Variants in SYTL2 observed in about 807,000 individuals in gnomAD.
The protein encoded by SYTL2 is synaptotagmin-like protein 2.
Under a neutral mutation model 198.7 loss-of-function variants are expected in SYTL2, and 165 were observed. The ratio of observed to expected loss-of-function variants is 0.83; its 90% CI spans 0.73 to 0.94. SYTL2 has a LOEUF of 0.94. SYTL2 is among the 40% of genes least tolerant of loss of function. SYTL2 has a pLI of 0.00. For missense variants in SYTL2, 2,835 were observed against 2,582.8 expected (o/e 1.10, Z -2.12); for synonymous variants, 966 against 917.7 (o/e 1.05, Z -0.95).
chr11:85,728,019 T>C (rs774888826), intron 7 of SYTL2, 52 bp from the exon 8 acceptor site: 81 of 1,447,488 alleles, frequency 5.6e-5, no homozygotes, highest in Non-Finnish European at 4.7e-5. Context: ...CTTAAAGAAC[T>C]GTTAATCATT....
At chr11:85,788,813 G>A (rs1448822185) in intron 1 of SYTL2, among the ~76,000 whole-genome samples, 5 of 151,562 alleles carry the variant, frequency 3.3e-5, no homozygotes, top group African/African-American at 1.2e-4. Flanking sequence ...AATCATCCAT[G>A]ACTGAGACAC....
chr11:85,738,020 T>C (rs2090492561), intron 4 of SYTL2, among the ~76,000 whole-genome samples: 1 of 152,224 alleles, frequency 6.6e-6, no homozygotes, highest in Non-Finnish European at 1.5e-5. Flanking sequence ...TGCTATTGGC[T>C]GAAGCCTTCG....
the SYTL2 span, among the ~76,000 whole-genome samples, chr11:85,844,147 ACT>A: frequency 6.6e-6 from 1 of 151,986 alleles, no homozygotes; most frequent in African/African-American, 2.4e-5. Context: ...CCTGTTGGTG[ACT>A]CTATCGTGTA....
At chr11:85,739,185 C>T (rs946770807) in intron 4 of SYTL2, among the ~76,000 whole-genome samples, 1 of 151,036 alleles carries the variant, frequency 6.6e-6, no homozygotes, top group Admixed American at 6.6e-5. Flanking sequence ...TGGTGAATGG[C>T]TAAATAAACG....
At chr11:85,720,827 G>T (rs989079841) in intron 9 of SYTL2, 31 bp downstream of exon 9, 3 of 1,476,214 alleles carry the variant, frequency 2.0e-6, no homozygotes, top group Admixed American at 1.7e-5. Context: ...CTTAGATGGG[G>T]CATGAACAGT....
the SYTL2 span, among the ~76,000 whole-genome samples, chr11:85,843,144 C>T: frequency 0.019 from 2,890 of 152,172 alleles, 99 homozygotes; most frequent in African/African-American, 0.065. Flanking sequence ...GAGGCCGAGG[C>T]GGGCAGATCA....
chr11:85,847,344 C>G, the SYTL2 span, among the ~76,000 whole-genome samples: 1 of 152,076 alleles, frequency 6.6e-6, no homozygotes, highest in Non-Finnish European at 1.5e-5. Flanking sequence ...CTTTTGAGAC[C>G]CATCCAGGTT....
At chr11:85,787,343 T>C (rs1053482462) in intron 1 of SYTL2, among the ~76,000 whole-genome samples, 7 of 152,216 alleles carry the variant, frequency 4.6e-5, no homozygotes, top group Non-Finnish European at 8.8e-5. Flanking sequence ...CACCCTTCCA[T>C]AGATACTTCC....
the SYTL2 span, among the ~76,000 whole-genome samples, chr11:85,850,985 A>G: frequency 5.9e-5 from 8 of 135,260 alleles, no homozygotes; most frequent in East Asian, 2.2e-4. Flanking sequence ...ATGAGATCAC[A>G]TGGACACAGG....
At chr11:85,776,744 T>C (rs1379451442) in intron 1 of SYTL2, among the ~76,000 whole-genome samples, 3 of 152,256 alleles carry the variant, frequency 2.0e-5, no homozygotes, top group African/African-American at 7.2e-5. Flanking sequence ...GAATGACTTA[T>C]AATCCTTTGG....
the SYTL2 span, among the ~76,000 whole-genome samples, chr11:85,817,221 C>T: frequency 1.3e-5 from 2 of 152,188 alleles, no homozygotes; most frequent in East Asian, 1.9e-4. Context: ...AGACTAAATT[C>T]GTGTATACCC....
At chr11:85,786,352 CAT>C (rs774578337) in intron 1 of SYTL2, among the ~76,000 whole-genome samples, 78 of 152,176 alleles carry the variant, frequency 5.1e-4, no homozygotes, top group Middle Eastern at 3.4e-3. Context: ...ATGGTTGACA[CAT>C]GTGATAAAAT....
intron 7 of SYTL2, among the ~76,000 whole-genome samples, chr11:85,732,618 T>G (rs903236240): frequency 2.6e-4 from 40 of 152,248 alleles, no homozygotes; most frequent in African/African-American, 3.6e-4. Flanking sequence ...GGGGAGGGAC[T>G]GCATTAGGAG....
chr11:85,763,279 T>C (rs989907979), intron 1 of SYTL2, among the ~76,000 whole-genome samples: 2 of 152,202 alleles, frequency 1.3e-5, no homozygotes, highest in African/African-American at 4.8e-5. Context: ...GGACTCCAAA[T>C]GTGGACTCTG....
At position 85,724,749 on chromosome 11, in the gene SYTL2, G is replaced by A. The variant is rs200764742; in HGVS notation, c.4609C>T (p.Arg1537Ter). ...KLIGSTEEPR[R>*]ATSECHPEEL... The stretch of plus-strand genomic sequence containing the variant: ...TCAGGATGGCATTCAGAAGTGGCTC[G>A]CCTGGGCTCCTCTGTACTACCTATT... The change falls in exon 8 of 20, where the codon CGA (arginine) becomes TGA (stop). Residue 1537 changes from arginine (R) to a stop codon, truncating the protein, a stop_gained. Coordinates refer to ENST00000359152, the MANE Select transcript of SYTL2 (RefSeq NM_206927.4). LOFTEE classifies it high-confidence loss of function. The A allele has an allele frequency of 2.1e-5, 34 of 1,611,614 alleles. No individual in the cohort carries two copies. Among genetic ancestry groups the A allele is most frequent in the Middle Eastern group, 1.6e-4 (1 of 6,074 alleles).
In SYTL2 at chr11:85,718,813, T is replaced by C; in HGVS notation, c.5459A>G (p.Glu1820Gly). The C allele has an allele frequency of 6.2e-7, 1 of 1,613,960 alleles. No homozygotes were observed. The highest frequency in any genetic ancestry group is 8.5e-7 in the Non-Finnish European group (1 of 1,179,918). ...ACCATCTTCAGCACTACGCACTAAT[T>C]CTTCTGGCTGATTATCTACTTTTGC... ...NQAKVDNQPE[E>G]LVRSAEDDEK... The change falls in exon 10 of 20, where the codon GAA (glutamate) becomes GGA (glycine). Residue 1820 changes from glutamate to glycine, a missense_variant. Around this residue, in one of 3 missense-constraint regions of SYTL2, gnomAD observed 2,645 missense variants for 2,381.7 expected, o/e 1.11. Coordinates refer to ENST00000359152, the MANE Select transcript of SYTL2 (RefSeq NM_206927.4).
chr11:85,725,080 TA>T lies in SYTL2; in HGVS notation c.4277del (p.Ile1426LysfsTer13). ...AATAAAAATCCTTCCTGTCTGGAAC[TA>T]TGGTGTCCATCGTAGCCCATGGTGA... The part of the protein sequence containing the change: ...VISPWATMDT[I>X]VPDRKDFYSS... On this transcript the variant is annotated frameshift_variant, in exon 8 of 20. Coordinates refer to ENST00000359152, the MANE Select transcript of SYTL2 (RefSeq NM_206927.4). LOFTEE classifies it high-confidence loss of function. The T allele has an allele frequency of 6.2e-7, 1 of 1,614,196 alleles. No homozygotes were observed. The highest frequency in any genetic ancestry group is 1.3e-5 in the African/African-American group (1 of 75,058).
chr11:85,757,348 T>C (rs1036715258), intron 2 of SYTL2, among the ~76,000 whole-genome samples: 3 of 152,184 alleles, frequency 2.0e-5, no homozygotes, highest in Non-Finnish European at 4.4e-5. Flanking sequence ...ATGTATGTGG[T>C]TGTATACATT....
At chr11:85,833,805 C>T in the SYTL2 span, among the ~76,000 whole-genome samples, 3 of 145,520 alleles carry the variant, frequency 2.1e-5, no homozygotes, top group African/African-American at 7.6e-5. Context: ...GTGGTACGAT[C>T]GTGGCTCACT....
Sources: gnomAD v4.1 joint callset for allele counts (sites outside exome capture counted in the v4.1 genomes callset) on GRCh38, gnomAD v4.1.1 for gene constraint, gnomAD v4.1.1 regional missense constraint, MANE v1.5 for transcripts, NCBI Gene and HGNC (gene_info 2026-07-23, HGNC 2026-07-21) for gene names.